Variants in PRMT2 observed in about 807,000 individuals in gnomAD.
PRMT2 encodes the protein protein arginine methyltransferase 2.
A neutral mutation model predicts 57.6 loss-of-function variants in PRMT2; 26 were observed. The observed-to-expected ratio is 0.45, with a 90% CI of 0.33 to 0.63. The LOEUF (loss-of-function observed/expected upper bound fraction) is 0.63. Among genes scored for constraint, PRMT2 ranks in the 20% least tolerant of loss-of-function variants. The probability of loss-of-function intolerance (pLI) is 0.02; values close to 1 mark genes in which losing one functional copy is unlikely to be tolerated. For synonymous variants in PRMT2, 219 were observed against 220.0 expected, an observed-to-expected ratio of 1.00 and a Z score of 0.04; for missense variants, 472 against 564.4, an observed-to-expected ratio of 0.84 and a Z score of 1.66.
rs2061620618 is a variant in PRMT2, at chr21:46,661,522, C to T, written c.961-278C>T. 3 of 271,922 alleles carry T rather than the reference C, an allele frequency of 1.1e-5. No individual in the cohort carries two copies. In the East Asian group the frequency reaches 1.9e-4, roughly 17 times the overall value. 16.8% of individuals were successfully genotyped at this position (271,922 alleles called of 1,614,324 possible). Reference sequence around the variant, plus strand: ...CTGTGGAAAGGCCCAGCCTGGAGCTCTCCAACTCCTTAACTGGAAGAGCTG... The same window carrying T: ...CTGTGGAAAGGCCCAGCCTGGAGCTTTCCAACTCCTTAACTGGAAGAGCTG... On this transcript the variant is annotated intron_variant, in intron 9 of 11. Transcript: ENST00000355680.
At position 46,638,784 on chromosome 21, in the gene PRMT2, A is replaced by G. The variant is rs546139105; in HGVS notation, c.39+1794A>G. On this transcript the variant is annotated intron_variant, in intron 3 of 11. Transcript: ENST00000355680. ...GTCTTATAATGGTAATTTGTGTTTT[A>G]TCTCTTTTTTTCACACTTGATCAAT... Among the ~76,000 whole-genome samples, 3 of 152,242 alleles carry G rather than the reference A, an allele frequency of 2.0e-5. No individual in the cohort carries two copies. The East Asian group carries it at 5.8e-4, about 29-fold the overall frequency.
At chr21:46,650,805 G>C (rs2061438428) in intron 7 of PRMT2, among the ~76,000 whole-genome samples, 1 of 152,224 alleles carries the variant, frequency 6.6e-6, no homozygotes, top group Non-Finnish European at 1.5e-5. Flanking sequence ...GAGGGACACA[G>C]GAGGGACGTG....
At chr21:46,663,315 G>C in intron 10 of PRMT2, 68 bp from the exon 11 acceptor site, 1 of 1,497,316 alleles carries the variant, frequency 6.7e-7, no homozygotes, top group East Asian at 2.3e-5. Context: ...GCCTGAGTCA[G>C]CGCCCCGAGG....
intron 9 of PRMT2, 44 bp from the exon 10 acceptor site, chr21:46,661,746 GGCCCTGCGGT>G (rs2061626107): frequency 7.8e-7 from 1 of 1,282,700 alleles, no homozygotes; most frequent in East Asian, 3.1e-5. Context: ...CCCCAACCCG[GGCCCTGCGGT>G]GCCACGCGGT....
At chr21:46,657,445 C>G (rs1355481375) in intron 7 of PRMT2, 1 of 150,430 alleles carries the variant, frequency 6.6e-6, no homozygotes, top group Non-Finnish European at 1.5e-5. Flanking sequence ...TAAGGATAAA[C>G]TGGTGCGTCC....
At chr21:46,643,347 A>G (rs897948164) in intron 3 of PRMT2, 188 bp from the exon 4 acceptor site, 8 of 1,142,568 alleles carry the variant, frequency 7.0e-6, no homozygotes, top group African/African-American at 3.2e-5. Flanking sequence ...TTTTTTTTAG[A>G]AAAGAAATGT....
rs2061419721 is a variant in PRMT2 at position 46,649,665 on chromosome 21, C to T, written c.580C>T (p.Gln194Ter). Residue 194 changes from glutamine (Q) to a stop codon, truncating the protein, a stop_gained, in exon 7 of 12, where the codon CAG (glutamine) becomes TAG (stop). Transcript: ENST00000355680. LOFTEE classifies it high-confidence loss of function. This position sits in a 1 kb window ranked among gnomAD's most constrained non-coding sequence, Gnocchi z 4.8. ...TGCTGACATCATCACCGTGTACCAG[C>T]AGAAGGTGGAGGATGTGGTGCTGCC... ...GFADIITVYQQKVEDVVLPEK... is the reference protein window; with the variant it reads ...GFADIITVYQ The T allele has an allele frequency of 6.2e-7, 1 of 1,613,934 alleles. No individual in the cohort carries two copies. Among genetic ancestry groups the T allele is most frequent in the African/African-American group, 1.3e-5 (1 of 74,908 alleles).
intron 7 of PRMT2, chr21:46,657,798 A>G (rs191459096): frequency 1.2e-4 from 19 of 152,338 alleles, no homozygotes; most frequent in African/African-American, 4.1e-4. Flanking sequence ...CTGTTTCACT[A>G]CATAACTGAA....
Position 46,648,026 on chromosome 21 carries a change from A to T in PRMT2, c.328-432A>T, listed in dbSNP as rs995875301. 2.0e-5 allele frequency among the ~76,000 whole-genome samples: 3 copies of T among 151,940 alleles called. No individual in the cohort carries two copies. Among genetic ancestry groups the T allele is most frequent in the Non-Finnish European group, 4.4e-5 (3 of 67,988 alleles). On this transcript the variant is annotated intron_variant, in intron 5 of 11. Coordinates refer to ENST00000355680, the MANE Select transcript of PRMT2 (RefSeq NM_206962.4). The surrounding 1 kb of genome is among the most constrained non-coding windows in gnomAD (Gnocchi z 4.8). Reference sequence around the variant, plus strand: ...CTTGGGCACTTACTGTTTTGAAACTAATTTTATTATCATTTTGTTGTGCTT... The same window carrying T: ...CTTGGGCACTTACTGTTTTGAAACTTATTTTATTATCATTTTGTTGTGCTT...
chr21:46,645,895 T>C (rs1334108344), intron 5 of PRMT2, among the ~76,000 whole-genome samples: 1 of 152,116 alleles, frequency 6.6e-6, no homozygotes, highest in African/African-American at 2.4e-5. Context: ...TTTTGTATTT[T>C]TAATGAGGGG....
chr21:46,646,335 C>A (rs1239264009), intron 5 of PRMT2, among the ~76,000 whole-genome samples: 1 of 152,202 alleles, frequency 6.6e-6, no homozygotes, highest in African/African-American at 2.4e-5. Context: ...AGGAAAGATA[C>A]ATAATGAAAA....
intron 7 of PRMT2, chr21:46,654,249 CAT>C: frequency 2.1e-6 from 1 of 470,086 alleles, no homozygotes; most frequent in Non-Finnish European, 2.8e-6. Flanking sequence ...TGTAGCAATA[CAT>C]ATGATCATTA....
chr21:46,647,336 AT>A (rs1310978083), intron 5 of PRMT2, among the ~76,000 whole-genome samples: 9 of 151,648 alleles, frequency 5.9e-5, no homozygotes, highest in Middle Eastern at 3.2e-3. Context: ...ACTTTGTGAA[AT>A]TTTTTCCCAC....
intron 1 of PRMT2, 189 bp downstream of exon 1, chr21:46,635,952 C>A (rs1239617933): frequency 6.6e-6 from 1 of 151,694 alleles, no homozygotes; most frequent in Non-Finnish European, 1.5e-5. Flanking sequence ...GTCCCCGTCA[C>A]ACCCTTCCCT....
intron 3 of PRMT2, among the ~76,000 whole-genome samples, chr21:46,638,634 G>A (rs1270941671): frequency 6.6e-6 from 1 of 152,186 alleles, no homozygotes; most frequent in African/African-American, 2.4e-5. Flanking sequence ...AGACTTTTAA[G>A]TTTTGGTCAG....
intron 5 of PRMT2, among the ~76,000 whole-genome samples, chr21:46,645,792 C>T (rs1183282293): frequency 2.6e-5 from 4 of 151,784 alleles, no homozygotes; most frequent in African/African-American, 9.7e-5. Context: ...TCCTAGTTCA[C>T]TGCAGCCTCT....
chr21:46,658,960 C>A (rs754167095), intron 8 of PRMT2, 40 bp downstream of exon 8: 2 of 1,588,540 alleles, frequency 1.3e-6, no homozygotes, highest in Non-Finnish European at 1.7e-6. Flanking sequence ...TCTTGTGGGG[C>A]CTCCTGGTCC....
At chr21:46,662,243 T>C (rs2061640555) in intron 10 of PRMT2, among the ~76,000 whole-genome samples, 4 of 152,042 alleles carry the variant, frequency 2.6e-5, no homozygotes, top group Admixed American at 2.6e-4. Flanking sequence ...CCACAGCTCT[T>C]CATGGTCTGA....
In PRMT2 at chr21:46,644,403, C is replaced by A; in HGVS notation, c.242C>A (p.Ala81Glu). Residue 81 changes from alanine (A) to glutamate (E), a missense_variant, in exon 5 of 12, where the codon GCA becomes GAA. Physicochemically the swap from Ala to Glu is moderately radical, Grantham distance 107. This residue lies in a region of PRMT2 where 243 missense variants were observed against 347.2 expected (regional missense o/e 0.70). Coordinates refer to ENST00000355680, the MANE Select transcript of PRMT2 (RefSeq NM_206962.4). ...GCGGGCTGCTGTGGGTACATTCCGG[C>A]AAACCATGTGGGGAAGCACGTGGAT... ...ERAGCCGYIP[A>E]NHVGKHVDEY... 1 of 1,612,120 alleles carries A rather than the reference C, an allele frequency of 6.2e-7. No individual in the cohort carries two copies. The highest frequency in any genetic ancestry group is 8.5e-7 in the Non-Finnish European group (1 of 1,179,224).
Sources: allele counts gnomAD v4.1 joint callset (sites outside exome capture counted in the v4.1 genomes callset), GRCh38; gene constraint gnomAD v4.1.1; regional missense constraint gnomAD v4.1.1; non-coding constraint Gnocchi (gnomAD v3.1); transcripts MANE v1.5; gene names NCBI Gene and HGNC (gene_info 2026-07-23, HGNC 2026-07-21).